CHRM2: variants seen among roughly 807,000 people sequenced by gnomAD.
The protein encoded by CHRM2 is cholinergic receptor muscarinic 2.
Under a neutral mutation model 25.0 loss-of-function variants are expected in CHRM2, and 8 were observed. That is an observed-to-expected ratio of 0.32 (90% CI 0.19 to 0.58). CHRM2 has a LOEUF of 0.58. Ranked by LOEUF, CHRM2 falls within the 20% of genes least tolerant of loss-of-function variation. CHRM2 has a pLI of 0.88. For missense variants in CHRM2, 440 were observed against 567.1 expected (o/e 0.78, Z 2.28); for synonymous variants, 202 against 205.7 (o/e 0.98, Z 0.15).
intron 2 of CHRM2, among the ~76,000 whole-genome samples, chr7:136,935,502 C>T (rs1194748324): frequency 4.6e-5 from 7 of 152,078 alleles, no homozygotes; most frequent in Non-Finnish European, 2.9e-5. Context: ...AAAGAGGAAA[C>T]GTTCAACAGC....
At chr7:136,969,602 C>A (rs929971973) in intron 2 of CHRM2, among the ~76,000 whole-genome samples, 2 of 152,160 alleles carry the variant, frequency 1.3e-5, no homozygotes, top group African/African-American at 4.8e-5. Flanking sequence ...CTGATCAATG[C>A]TTGGTTCCAA....
intron 2 of CHRM2, among the ~76,000 whole-genome samples, chr7:136,958,293 C>A (rs903003154): frequency 1.6e-4 from 24 of 152,098 alleles, no homozygotes; most frequent in Non-Finnish European, 3.2e-4. Context: ...ATAGCAGCAG[C>A]GAGGGCAGAG....
At chr7:136,990,951 T>A (rs1015138267) in intron 2 of CHRM2, among the ~76,000 whole-genome samples, 2 of 152,138 alleles carry the variant, frequency 1.3e-5, no homozygotes, top group Non-Finnish European at 2.9e-5. Flanking sequence ...TTGTCTTGAT[T>A]TGCATTTCCT....
chr7:137,014,482 T>C (rs1476848892), intron 3 of CHRM2, among the ~76,000 whole-genome samples: 1 of 152,040 alleles, frequency 6.6e-6, no homozygotes, highest in African/African-American at 2.4e-5. Flanking sequence ...GTTTGTAATT[T>C]TGGTTTATTT....
intron 2 of CHRM2, among the ~76,000 whole-genome samples, chr7:136,923,309 C>T (rs1433308944): frequency 6.7e-6 from 1 of 149,270 alleles, no homozygotes; most frequent in Non-Finnish European, 1.5e-5. Context: ...GTGAAATTCC[C>T]AAGCCAGATT....
At chr7:136,948,135 A>G (rs1233699197) in intron 2 of CHRM2, among the ~76,000 whole-genome samples, 1 of 152,160 alleles carries the variant, frequency 6.6e-6, no homozygotes, top group Non-Finnish European at 1.5e-5. Flanking sequence ...TCTATACAAC[A>G]GCAAAGAGCC....
intron 3 of CHRM2, among the ~76,000 whole-genome samples, chr7:136,993,845 GA>G (rs1270831193): frequency 3.9e-5 from 6 of 151,904 alleles, no homozygotes; most frequent in Middle Eastern, 3.4e-3. Flanking sequence ...TGTTTCAAAA[GA>G]AAAAAAGCAC....
rs1805360186 is a variant in CHRM2, at chr7:137,020,210, T to C, written c.*3944T>C. 6.6e-6 allele frequency: 1 copy of C among 151,518 alleles called. No homozygotes were observed. The highest frequency in any genetic ancestry group is 2.4e-5 in the African/African-American group (1 of 41,304). 9.4% of individuals were successfully genotyped at this position (151,518 alleles called of 1,614,324 possible). ...AAAATAATAAAATGTACAATAGAAA[T>C]ACATATTTCTGTATGCAAATAAATA... On this transcript the variant is annotated 3_prime_UTR_variant, in exon 4 of 4. Transcript: ENST00000680005.
intron 3 of CHRM2, among the ~76,000 whole-genome samples, chr7:137,007,136 G>T (rs542135545): frequency 1.1e-4 from 17 of 152,096 alleles, no homozygotes; most frequent in Non-Finnish European, 2.4e-4. Context: ...TGTAGGAAAG[G>T]TTTCCAGGGA....
intron 2 of CHRM2, among the ~76,000 whole-genome samples, chr7:136,935,608 T>C (rs1799367865): frequency 6.6e-6 from 1 of 152,188 alleles, no homozygotes. Context: ...ACTGTTTGAT[T>C]AAGTGGCCCC....
At position 137,015,732 on chromosome 7, in the gene CHRM2, C is replaced by T; in HGVS notation, c.867C>T (p.Val289=). The T allele has an allele frequency of 2.5e-6, 4 of 1,613,302 alleles. No homozygotes were observed. Among genetic ancestry groups the T allele is most frequent in the Non-Finnish European group, 3.4e-6 (4 of 1,179,562 alleles). The change falls in exon 4 of 4, where the codon GTC becomes GTT. Residue 289 remains valine, a synonymous_variant. Transcript: ENST00000680005. This position sits in a 1 kb window ranked among gnomAD's most constrained non-coding sequence, Gnocchi z 5.1. ...AGAGCTCCAATGACTCCACCTCAGT[C>T]AGTGCTGTTGCCTCTAATATGAGAG... ...EKESSNDSTS[V]SAVASNMRDD... is the part of the protein sequence containing the mutation.
At position 137,017,045 on chromosome 7, in the gene CHRM2, C is replaced by T. The variant is rs2131139481; in HGVS notation, c.*779C>T. 6.1e-6 allele frequency: 1 copy of T among 162,928 alleles called. No homozygotes were observed. The highest frequency in any genetic ancestry group is 2.1e-4 in the South Asian group (1 of 4,820). The allele number at this position is 162,928 out of a possible 1,614,324, so 10.1% of individuals were successfully genotyped here. On this transcript the variant is annotated 3_prime_UTR_variant, in exon 4 of 4. Coordinates refer to ENST00000680005, the MANE Select transcript of CHRM2 (RefSeq NM_001006630.2). ...CCCTCCTCACTGTGTCCTTTGCATTCGTTGGGGATATCAAGGTCTATAAGG... is the reference window on the plus strand; with the variant it reads ...CCCTCCTCACTGTGTCCTTTGCATTTGTTGGGGATATCAAGGTCTATAAGG...
chr7:136,908,123 G>GTT (rs2130666648), intron 2 of CHRM2: 1 of 151,916 alleles, frequency 6.6e-6, no homozygotes, highest in East Asian at 1.9e-4. Flanking sequence ...TAAGGACTTA[G>GTT]TATGCCTGAA....
intron 2 of CHRM2, chr7:136,903,463 A>G (rs1198940293): frequency 8.7e-6 from 2 of 230,076 alleles, no homozygotes; most frequent in Admixed American, 6.0e-5. Flanking sequence ...GTCACAATGT[A>G]AACTACTAGG....
At chr7:136,944,474 T>C (rs1563081605) in intron 2 of CHRM2, among the ~76,000 whole-genome samples, 2 of 18,482 alleles carry the variant, frequency 1.1e-4, no homozygotes, top group East Asian at 1.2e-3. Flanking sequence ...TATGTATGTA[T>C]GTGTGTGTGT....
At chr7:136,893,028 C>G (rs1344202037) in intron 2 of CHRM2, among the ~76,000 whole-genome samples, 3 of 151,942 alleles carry the variant, frequency 2.0e-5, no homozygotes, top group Non-Finnish European at 4.4e-5. Flanking sequence ...TTCTCTTGTT[C>G]TCTCTCTCTT....
intron 2 of CHRM2, among the ~76,000 whole-genome samples, chr7:136,890,510 C>T (rs971238307): frequency 6.6e-6 from 1 of 152,146 alleles, no homozygotes; most frequent in African/African-American, 2.4e-5. Context: ...CAGTAGTGAA[C>T]CTTGTGACTC....
chr7:137,008,037 TGG>T (rs1233885796), intron 3 of CHRM2, among the ~76,000 whole-genome samples: 1 of 152,088 alleles, frequency 6.6e-6, no homozygotes, highest in Non-Finnish European at 1.5e-5. Context: ...CAATAGCATA[TGG>T]ATTATATACC....
At chr7:136,947,924 G>A (rs1048386566) in intron 2 of CHRM2, among the ~76,000 whole-genome samples, 2 of 152,148 alleles carry the variant, frequency 1.3e-5, no homozygotes, top group African/African-American at 4.8e-5. Flanking sequence ...ACAACTGCAA[G>A]AATTGGGGAA....
Sources: gnomAD v4.1 joint callset for allele counts (sites outside exome capture counted in the v4.1 genomes callset) on GRCh38, gnomAD v4.1.1 for gene constraint, Gnocchi (gnomAD v3.1) non-coding constraint, MANE v1.5 for transcripts, NCBI Gene and HGNC (gene_info 2026-07-23, HGNC 2026-07-21) for gene names.